Variants in RHOT1 observed in about 807,000 individuals in gnomAD.
The protein encoded by RHOT1 is ras homolog family member T1.
RHOT1 carries 27 observed loss-of-function variants against 95.3 expected under a neutral mutation model. That is an observed-to-expected ratio of 0.28 (90% CI 0.21 to 0.39). The LOEUF is 0.39. Ranked by LOEUF, RHOT1 falls within the 10% of genes least tolerant of loss-of-function variation. The pLI, the probability that RHOT1 is intolerant of heterozygous loss-of-function variation, is 1.00. For synonymous variants in RHOT1, 227 were observed against 263.5 expected, an observed-to-expected ratio of 0.86 and a Z score of 1.34; for missense variants, 578 against 786.7, an observed-to-expected ratio of 0.73 and a Z score of 3.17.
chr17:32,152,011 G>C (rs748045222), intron 1 of RHOT1, among the ~76,000 whole-genome samples: 1 of 151,754 alleles, frequency 6.6e-6, no homozygotes, highest in Non-Finnish European at 1.5e-5. Flanking sequence ...TTATAATGTA[G>C]TGAGTGCTAA....
Position 32,176,189 on chromosome 17 carries a change from AT to A in RHOT1, c.306del (p.Asn102LysfsTer12). 3 of 1,611,162 alleles carry A rather than the reference AT, an allele frequency of 1.9e-6. No homozygotes were observed. The highest frequency in any genetic ancestry group is 2.5e-6 in the Non-Finnish European group (3 of 1,179,314). ...KVTSRWIPLI[N>X]ERTDKDSRLP... ...ACAAGTCGATGGATTCCTCTCATAA[AT>A]GAAAGAACAGACAAAGACAGCAGGT... On this transcript the variant is annotated frameshift_variant, in exon 6 of 20. Transcript: ENST00000545287. LOFTEE classifies it high-confidence loss of function.
intron 2 of RHOT1, chr17:32,172,955 A>C (rs1306245112): frequency 6.6e-6 from 1 of 152,220 alleles, no homozygotes; most frequent in Non-Finnish European, 1.5e-5. Context: ...GGATTTAAAT[A>C]CCTCCTCATT....
At chr17:32,150,958 TTGCTGCTGCTGC>T in intron 1 of RHOT1, 2 of 1,547,550 alleles carry the variant, frequency 1.3e-6, no homozygotes. Flanking sequence ...GCTTTGCTGA[TTGCTGCTGCTGC>T]TGCTGCTGCT....
At position 32,185,703 on chromosome 17, in the gene RHOT1, C is replaced by T. The variant is rs183339921; in HGVS notation, c.540+2431C>T. ...GATTACAGGTGTGAACCGCCATGCC[C>T]GGCCTCTTTTTTTTTTTTTTTTTTT... On this transcript the variant is annotated intron_variant, in intron 8 of 19. Coordinates refer to ENST00000545287, the MANE Select transcript of RHOT1 (RefSeq NM_001033566.3). 2.0e-4 allele frequency among the ~76,000 whole-genome samples: 30 copies of T among 150,440 alleles called. No individual in the cohort carries two copies. In the East Asian group the frequency reaches 3.1e-3, roughly 16 times the overall value.
intron 11 of RHOT1, among the ~76,000 whole-genome samples, chr17:32,196,038 C>T (rs2036859868): frequency 6.6e-6 from 1 of 151,976 alleles, no homozygotes. Context: ...AAAATAACTC[C>T]CTGGAGCTAC....
chr17:32,215,102 C>T (rs2038388705), intron 19 of RHOT1, among the ~76,000 whole-genome samples: 1 of 151,712 alleles, frequency 6.6e-6, no homozygotes, highest in Non-Finnish European at 1.5e-5. Context: ...CGCCATGTCT[C>T]AAACTGGTCT....
At chr17:32,159,393 G>A (rs1314228796) in intron 1 of RHOT1, 3 of 152,946 alleles carry the variant, frequency 2.0e-5, no homozygotes, top group African/African-American at 7.2e-5. Flanking sequence ...GAGCCCCGAG[G>A]TGGAGCTGGG....
chr17:32,164,295 G>A (rs1343554503), intron 1 of RHOT1, among the ~76,000 whole-genome samples: 1 of 151,542 alleles, frequency 6.6e-6, no homozygotes, highest in Non-Finnish European at 1.5e-5. Context: ...GTGCAGTGGC[G>A]CCGTCTTGGC....
intron 2 of RHOT1, among the ~76,000 whole-genome samples, 187 bp downstream of exon 2, chr17:32,171,288 A>G (rs539145112): frequency 3.1e-4 from 47 of 152,286 alleles, no homozygotes; most frequent in African/African-American, 9.1e-4. Context: ...TGGTGCCATC[A>G]TAGCCCACTG....
rs776975854 is a variant in RHOT1, at chr17:32,183,198, T to C, written c.466T>C (p.Ser156Pro). 1 of 1,576,950 alleles carries C rather than the reference T, an allele frequency of 6.3e-7. No individual in the cohort carries two copies. Among genetic ancestry groups the C allele is most frequent in the Non-Finnish European group, 8.6e-7 (1 of 1,157,372 alleles). ...TTCAGCGAAAAACCTGAAGAACATA[T>C]CAGAGCTCTTTTATTACGCACAGAA... The part of the protein sequence containing the change: ...ECSAKNLKNI[S>P]ELFYYAQKAV... Residue 156 changes from serine (S) to proline (P), a missense_variant, in exon 8 of 20, where the codon TCA (serine) becomes CCA (proline). Physicochemically the swap from Ser to Pro is moderately conservative, Grantham distance 74. Coordinates refer to ENST00000545287, the MANE Select transcript of RHOT1 (RefSeq NM_001033566.3).
chr17:32,198,457 C>T (rs927580278), intron 11 of RHOT1, among the ~76,000 whole-genome samples: 2 of 151,948 alleles, frequency 1.3e-5, no homozygotes, highest in African/African-American at 2.4e-5. Flanking sequence ...GCCTATAATC[C>T]CAACACTTAC....
At chr17:32,153,015 T>A (rs2032515694) in intron 1 of RHOT1, among the ~76,000 whole-genome samples, 1 of 152,208 alleles carries the variant, frequency 6.6e-6, no homozygotes, top group African/African-American at 2.4e-5. Flanking sequence ...TTGTCCAGGC[T>A]GGTCTAGAAC....
At chr17:32,175,441 CTT>C (rs1179675501) in intron 4 of RHOT1, 79 bp downstream of exon 4, 12 of 1,327,222 alleles carry the variant, frequency 9.0e-6, no homozygotes, top group Admixed American at 5.1e-5. Flanking sequence ...TTTTCATTCT[CTT>C]TGTTTGTTGG....
Position 32,209,596 on chromosome 17 carries a change from T to C in RHOT1, c.1739+1287T>C, listed in dbSNP as rs2037988944. The C allele has an allele frequency of 9.1e-5, 49 of 539,226 alleles. No individual in the cohort carries two copies. The South Asian group carries it at 1.1e-3, about 12-fold the overall frequency. 33.4% of individuals were successfully genotyped at this position (539,226 alleles called of 1,614,324 possible). ...CTTCCTGCCTAGCTATATATTACGTTGTCTTCCTTACTACATAAATGTACT... is the reference window on the plus strand; with the variant it reads ...CTTCCTGCCTAGCTATATATTACGTCGTCTTCCTTACTACATAAATGTACT... On this transcript the variant is annotated intron_variant, in intron 18 of 19. Transcript: ENST00000545287.
At chr17:32,217,827 G>A (rs1410769436) in intron 19 of RHOT1, among the ~76,000 whole-genome samples, 2 of 150,818 alleles carry the variant, frequency 1.3e-5, no homozygotes, top group African/African-American at 2.4e-5. Context: ...AGAGAGTCCA[G>A]AAGACTTTTT....
intron 1 of RHOT1, among the ~76,000 whole-genome samples, chr17:32,155,843 A>T: frequency 6.6e-6 from 1 of 152,066 alleles, no homozygotes. Context: ...CATCTGGTCT[A>T]AGTATATTTT....
rs1312114347 is a variant in RHOT1 at position 32,149,696 on chromosome 17, CAT to C, written c.37+6975_37+6976del. ...ATGCATACATACATACACTCACACA[CAT>C]ATATATACACACATACACATATATA... On this transcript the variant is annotated intron_variant, in intron 1 of 19. Coordinates refer to ENST00000545287, the MANE Select transcript of RHOT1 (RefSeq NM_001033566.3). Among the ~76,000 whole-genome samples the C allele has an allele frequency of 3.5e-5, 5 of 142,474 alleles. No individual in the cohort carries two copies. In the East Asian group the frequency reaches 8.2e-4, roughly 23 times the overall value. 93.5% of individuals were successfully genotyped at this position (142,474 alleles called of 152,430 possible).
chr17:32,171,660 C>T (rs2034587966), intron 2 of RHOT1, among the ~76,000 whole-genome samples: 1 of 152,162 alleles, frequency 6.6e-6, no homozygotes, highest in African/African-American at 2.4e-5. Flanking sequence ...AATGAGCATT[C>T]CGTGAGTTGA....
In RHOT1 at chr17:32,187,813, C is replaced by A. The variant is rs541127304; in HGVS notation, c.541-4388C>A. Among the ~76,000 whole-genome samples, 5 of 152,282 alleles carry A rather than the reference C, an allele frequency of 3.3e-5. No homozygotes were observed. In the South Asian group the frequency reaches 1.0e-3, roughly 32 times the overall value. ...CGAACTCCTGACCTTAGGTGATCTG[C>A]CTGCCTTGGCCTTTCAAAGTGCAGG... On this transcript the variant is annotated intron_variant, in intron 8 of 19. Coordinates refer to ENST00000545287, the MANE Select transcript of RHOT1 (RefSeq NM_001033566.3).
Sources: allele counts gnomAD v4.1 joint callset (sites outside exome capture counted in the v4.1 genomes callset), GRCh38; gene constraint gnomAD v4.1.1; transcripts MANE v1.5; gene names NCBI Gene and HGNC (gene_info 2026-07-23, HGNC 2026-07-21).